Variants in NUFIP2 observed in about 807,000 individuals in gnomAD.
NUFIP2 encodes the protein nuclear FMR1 interacting protein 2, also known as FMR1-interacting protein NUFIP2.
Under a neutral mutation model 56.9 loss-of-function variants are expected in NUFIP2, and 6 were observed. That is an observed-to-expected ratio of 0.11 (90% CI 0.06 to 0.21). The LOEUF (loss-of-function observed/expected upper bound fraction) is 0.21. Among genes scored for constraint, NUFIP2 ranks in the 10% least tolerant of loss-of-function variants. The pLI, the probability that NUFIP2 is intolerant of heterozygous loss-of-function variation, is 1.00. For synonymous variants in NUFIP2, 321 were observed against 298.2 expected (o/e 1.08, Z -0.79); for missense variants, 828 against 826.8 (o/e 1.00, Z -0.02).
At chr17:29,282,229 G>A (rs1257640103) in intron 2 of NUFIP2, among the ~76,000 whole-genome samples, 4 of 151,986 alleles carry the variant, frequency 2.6e-5, no homozygotes, top group Admixed American at 2.0e-4. Context: ...CCATGCACTT[G>A]GACTTCCCAG....
rs1229888107 is a variant in NUFIP2, at chr17:29,260,667, T to C, written c.*3872A>G. On this transcript the variant is annotated 3_prime_UTR_variant, in exon 4 of 4. Coordinates refer to ENST00000225388, the MANE Select transcript of NUFIP2 (RefSeq NM_020772.3). Reference sequence around the variant, plus strand: ...AGCCTAACAACCAAGTATGATATTATCACTATGTAATGTTTTTTCAAAATT... The same window carrying C: ...AGCCTAACAACCAAGTATGATATTACCACTATGTAATGTTTTTTCAAAATT... 6.6e-6 allele frequency: 1 copy of C among 152,208 alleles called. No homozygotes were observed. Among genetic ancestry groups the C allele is most frequent in the Admixed American group, 6.5e-5 (1 of 15,278 alleles). The allele number at this position is 152,208 out of a possible 1,614,324, so 9.4% of individuals were successfully genotyped here. A position where few individuals can be genotyped will look rare whatever the true frequency, so the allele number is the denominator to read the frequency against.
intron 2 of NUFIP2, among the ~76,000 whole-genome samples, chr17:29,278,251 TATTA>T (rs1212620600): frequency 6.8e-6 from 1 of 148,034 alleles, no homozygotes; most frequent in African/African-American, 2.6e-5. Flanking sequence ...TGTACTTTAT[TATTA>T]TTTTTTTTTG....
Position 29,261,704 on chromosome 17 carries a change from AGAGTT to A in NUFIP2, c.*2830_*2834del, listed in dbSNP as rs1485888783. On this transcript the variant is annotated 3_prime_UTR_variant, in exon 4 of 4. Coordinates refer to ENST00000225388, the MANE Select transcript of NUFIP2 (RefSeq NM_020772.3). ...CCTAAGGAGAAAGATTGCAACAAAT[AGAGTT>A]AAGTGTTACCAAACAGCACAAAGAG... The A allele has an allele frequency of 3.9e-5, 6 of 152,588 alleles. No homozygotes were observed. Among genetic ancestry groups the A allele is most frequent in the Admixed American group, 3.3e-4 (5 of 15,270 alleles). The allele number at this position is 152,588 out of a possible 1,614,324, so 9.5% of individuals were successfully genotyped here.
At chr17:29,271,916 CA>C (rs1202116013) in intron 2 of NUFIP2, among the ~76,000 whole-genome samples, 6 of 151,634 alleles carry the variant, frequency 4.0e-5, no homozygotes, top group Non-Finnish European at 7.4e-5. Context: ...ACTAAAAACA[CA>C]AAAAAGTTAG....
At chr17:29,265,296 T>C (rs2069028143) in intron 3 of NUFIP2, among the ~76,000 whole-genome samples, 1 of 127,110 alleles carries the variant, frequency 7.9e-6, no homozygotes, top group African/African-American at 3.1e-5. Flanking sequence ...TATTTTTTTA[T>C]TTTATTTTAT....
Position 29,256,728 on chromosome 17 carries a change from T to C in NUFIP2, c.*7811A>G, listed in dbSNP as rs1019508453. On this transcript the variant is annotated 3_prime_UTR_variant, in exon 4 of 4. Transcript: ENST00000225388. Reference sequence around the variant, plus strand: ...CCTGGGTAGTAGTACATCTACACATTATAAGTACACATACACAAAGTAAAG... The same window carrying C: ...CCTGGGTAGTAGTACATCTACACATCATAAGTACACATACACAAAGTAAAG... 6.6e-6 allele frequency: 1 copy of C among 152,094 alleles called. No homozygotes were observed. The highest frequency in any genetic ancestry group is 1.5e-5 in the Non-Finnish European group (1 of 68,006). 9.4% of individuals were successfully genotyped at this position (152,094 alleles called of 1,614,324 possible).
intron 2 of NUFIP2, among the ~76,000 whole-genome samples, chr17:29,277,746 C>T (rs1397542936): frequency 6.6e-6 from 1 of 152,122 alleles, no homozygotes; most frequent in African/African-American, 2.4e-5. Flanking sequence ...GGTGCGGTGG[C>T]TTATGGTTGT....
In NUFIP2 at chr17:29,294,021, A is replaced by G. The variant is rs1284554585; in HGVS notation, c.39T>C (p.His13=). ...GATGGTGCGGATGGTGGTGGCTGTGATGGTGCTGAGGCTGTGGCTGGCCGG... is the reference window on the plus strand; with the variant it reads ...GATGGTGCGGATGGTGGTGGCTGTGGTGGTGCTGAGGCTGTGGCTGGCCGG... The part of the protein sequence containing the change: ...EKPGQPQPQH[H]HSHHHPHHHP... The change falls in exon 1 of 4, where the codon CAT becomes CAC. Residue 13 remains histidine, a synonymous_variant. Coordinates refer to ENST00000225388, the MANE Select transcript of NUFIP2 (RefSeq NM_020772.3). The G allele has an allele frequency of 6.2e-7, 1 of 1,611,878 alleles. No individual in the cohort carries two copies. The highest frequency in any genetic ancestry group is 2.2e-5 in the East Asian group (1 of 44,854).
At chr17:29,282,843 ATTAC>A (rs1291537567) in intron 2 of NUFIP2, among the ~76,000 whole-genome samples, 1 of 151,494 alleles carries the variant, frequency 6.6e-6, no homozygotes, top group Admixed American at 6.6e-5. Flanking sequence ...CCAACTGATT[ATTAC>A]TTCTTTTAGA....
intron 3 of NUFIP2, among the ~76,000 whole-genome samples, chr17:29,266,932 T>C (rs1404233776): frequency 6.6e-6 from 1 of 151,918 alleles, no homozygotes; most frequent in Non-Finnish European, 1.5e-5. Context: ...AGATGGCGTT[T>C]CGCTCTTGTT....
intron 2 of NUFIP2, among the ~76,000 whole-genome samples, chr17:29,279,857 T>C (rs764823081): frequency 1.2e-4 from 19 of 152,142 alleles, no homozygotes; most frequent in Non-Finnish European, 2.2e-4. Flanking sequence ...CTGTGTCTCC[T>C]AGGCTGGATA....
chr17:29,270,583 CAT>C (rs1400890973), intron 2 of NUFIP2, among the ~76,000 whole-genome samples: 1 of 151,800 alleles, frequency 6.6e-6, no homozygotes, highest in Non-Finnish European at 1.5e-5. Flanking sequence ...ACAGAAATTT[CAT>C]ATTTTGTAGC....
chr17:29,284,434 G>A (rs1598434633), intron 2 of NUFIP2, among the ~76,000 whole-genome samples: 2 of 152,092 alleles, frequency 1.3e-5, no homozygotes, highest in Non-Finnish European at 2.9e-5. Context: ...GGCCTGGCAC[G>A]GTGGCTCACA....
intron 2 of NUFIP2, among the ~76,000 whole-genome samples, chr17:29,284,306 T>A (rs2069157568): frequency 6.6e-6 from 1 of 152,212 alleles, no homozygotes. Context: ...CAAAAGGATA[T>A]AAACATCATC....
In NUFIP2 at chr17:29,263,434, G is replaced by T. The variant is rs370862234; in HGVS notation, c.*1105C>A. On this transcript the variant is annotated 3_prime_UTR_variant, in exon 4 of 4. Coordinates refer to ENST00000225388, the MANE Select transcript of NUFIP2 (RefSeq NM_020772.3). Reference sequence around the variant, plus strand: ...TTTGCATGAAAACACACCTTCTACAGTCAGGGTTTATTATCTTCTCACTGG... The same window carrying T: ...TTTGCATGAAAACACACCTTCTACATTCAGGGTTTATTATCTTCTCACTGG... 6.6e-6 allele frequency: 1 copy of T among 152,558 alleles called. No individual in the cohort carries two copies. The highest frequency in any genetic ancestry group is 2.4e-5 in the African/African-American group (1 of 41,410). 9.5% of individuals were successfully genotyped at this position (152,558 alleles called of 1,614,324 possible). A position where few individuals can be genotyped will look rare whatever the true frequency, so the allele number is the denominator to read the frequency against.
At chr17:29,269,225 G>T (rs756019459) in intron 2 of NUFIP2, among the ~76,000 whole-genome samples, 1 of 152,102 alleles carries the variant, frequency 6.6e-6, no homozygotes, top group Non-Finnish European at 1.5e-5. Flanking sequence ...AGGACAAAAA[G>T]ATTATTTTAA....
At chr17:29,273,552 C>T (rs1369130176) in intron 2 of NUFIP2, among the ~76,000 whole-genome samples, 1 of 151,950 alleles carries the variant, frequency 6.6e-6, no homozygotes, top group Non-Finnish European at 1.5e-5. Context: ...ATCTAACTTG[C>T]CAGTTCTTTT....
intron 3 of NUFIP2, among the ~76,000 whole-genome samples, chr17:29,266,260 C>G (rs1339755701): frequency 2.0e-5 from 3 of 152,096 alleles, no homozygotes; most frequent in Non-Finnish European, 4.4e-5. Flanking sequence ...AGCCACCGTG[C>G]CCAGCCTGCA....
chr17:29,285,476 AG>A (rs2069167199), intron 2 of NUFIP2, among the ~76,000 whole-genome samples: 1 of 151,874 alleles, frequency 6.6e-6, no homozygotes, highest in Non-Finnish European at 1.5e-5. Context: ...CTGTAATCTC[AG>A]CTACTCAGGA....
Sources: gnomAD v4.1 joint callset for allele counts (sites outside exome capture counted in the v4.1 genomes callset) on GRCh38, gnomAD v4.1.1 for gene constraint, MANE v1.5 for transcripts, NCBI Gene and HGNC (gene_info 2026-07-23, HGNC 2026-07-21) for gene names.